Variants in SUGCT observed in about 807,000 individuals in gnomAD.
SUGCT encodes succinyl-CoA:glutarate CoA-transferase.
SUGCT carries 41 observed loss-of-function variants against 55.0 expected under a neutral mutation model. The observed-to-expected ratio is 0.74, with a 90% CI of 0.58 to 0.97. The LOEUF (loss-of-function observed/expected upper bound fraction) is 0.97, where lower values mean the gene tolerates loss of function less well. Among genes scored for constraint, SUGCT ranks in the 50% least tolerant of loss-of-function variants. SUGCT has a pLI of 0.00. For synonymous variants in SUGCT, 187 were observed against 200.4 expected (o/e 0.93, Z 0.56); for missense variants, 568 against 547.8 (o/e 1.04, Z -0.37).
the SUGCT span, among the ~76,000 whole-genome samples, chr7:40,930,831 T>C: frequency 3.3e-5 from 5 of 152,320 alleles, no homozygotes; most frequent in South Asian, 8.3e-4. Context: ...GCTGAGATGA[T>C]GGAGTTTTCT....
At chr7:40,923,061 G>A in the SUGCT span, among the ~76,000 whole-genome samples, 7,030 of 152,248 alleles carry the variant, frequency 0.046, 177 homozygotes, top group South Asian at 0.078. Flanking sequence ...CAAGGCCAGC[G>A]CTTTCAAGAT....
At chr7:40,712,893 C>G (rs1442502006) in intron 12 of SUGCT, among the ~76,000 whole-genome samples, 1 of 152,240 alleles carries the variant, frequency 6.6e-6, no homozygotes, top group Non-Finnish European at 1.5e-5. Flanking sequence ...AGAACTTTTT[C>G]AGTGACTTGA....
At chr7:40,558,098 CA>C (rs371945593) in intron 12 of SUGCT, among the ~76,000 whole-genome samples, 21,870 of 121,508 alleles carry the variant, frequency 0.18, 2,129 homozygotes, top group African/African-American at 0.33. Flanking sequence ...CTATTCCATA[CA>C]AAAAAAAAAA....
chr7:40,376,378 TAA>T (rs1784544355), intron 9 of SUGCT, among the ~76,000 whole-genome samples: 1 of 152,094 alleles, frequency 6.6e-6, no homozygotes, highest in Non-Finnish European at 1.5e-5. Flanking sequence ...AATTTTTATC[TAA>T]TGTATCTTTT....
At chr7:40,511,350 A>G (rs921277208) in intron 12 of SUGCT, among the ~76,000 whole-genome samples, 1 of 152,154 alleles carries the variant, frequency 6.6e-6, no homozygotes, top group East Asian at 1.9e-4. Flanking sequence ...CATCAAGGTT[A>G]TGGAAGACAA....
intron 13 of SUGCT, among the ~76,000 whole-genome samples, chr7:40,814,599 A>G (rs925431180): frequency 6.6e-5 from 10 of 150,432 alleles, no homozygotes; most frequent in Non-Finnish European, 8.9e-5. Flanking sequence ...CATTTCCTTG[A>G]TTGCTTTAGA....
At chr7:40,817,683 C>CAT (rs1184168302) in intron 13 of SUGCT, among the ~76,000 whole-genome samples, 3 of 152,026 alleles carry the variant, frequency 2.0e-5, no homozygotes, top group Admixed American at 6.6e-5. Context: ...GAGCCATGAA[C>CAT]ATATATATAG....
chr7:40,655,368 G>T (rs1800968541), intron 12 of SUGCT, among the ~76,000 whole-genome samples: 1 of 152,136 alleles, frequency 6.6e-6, no homozygotes, highest in Non-Finnish European at 1.5e-5. Context: ...ATTCACTAGT[G>T]TTAATGTGCT....
At chr7:40,279,168 T>A (rs1388275017) in intron 8 of SUGCT, among the ~76,000 whole-genome samples, 1 of 152,052 alleles carries the variant, frequency 6.6e-6, no homozygotes, top group African/African-American at 2.4e-5. Flanking sequence ...TCTTATACCG[T>A]ATTATTCCAA....
intron 13 of SUGCT, among the ~76,000 whole-genome samples, chr7:40,756,000 A>G (rs911413672): frequency 5.9e-5 from 9 of 152,336 alleles, no homozygotes; most frequent in African/African-American, 2.2e-4. Context: ...AGTCACCACC[A>G]TGCATTAGTG....
intron 13 of SUGCT, among the ~76,000 whole-genome samples, chr7:40,766,839 T>G (rs1036899637): frequency 3.9e-5 from 6 of 152,208 alleles, no homozygotes; most frequent in African/African-American, 7.2e-5. Context: ...CTTTAAGTGT[T>G]ATACAAATGT....
At chr7:40,781,425 G>A (rs1789742579) in intron 13 of SUGCT, among the ~76,000 whole-genome samples, 1 of 152,120 alleles carries the variant, frequency 6.6e-6, no homozygotes, top group Admixed American at 6.5e-5. Flanking sequence ...GAATGCGGCT[G>A]GCCTGAGAGC....
chr7:40,312,149 C>T (rs1360061336), intron 8 of SUGCT, among the ~76,000 whole-genome samples: 9 of 151,648 alleles, frequency 5.9e-5, no homozygotes, highest in Admixed American at 6.6e-5. Context: ...AAGCGATTCT[C>T]GTGCCTCAGC....
intron 13 of SUGCT, among the ~76,000 whole-genome samples, chr7:40,828,032 T>C (rs1411417583): frequency 6.6e-6 from 1 of 152,224 alleles, no homozygotes; most frequent in African/African-American, 2.4e-5. Flanking sequence ...TTATGTGGAA[T>C]GTGCCCTCTG....
rs779414695 is a variant in SUGCT, at chr7:40,798,467, A to G, written c.1153+48970A>G. On this transcript the variant is annotated intron_variant, in intron 13 of 13. Coordinates refer to ENST00000335693, the MANE Select transcript of SUGCT (RefSeq NM_001193313.2). ...GCTGAGGTAGAACATCAATATATTG[A>G]GAAATTTTTATAAGAATTTTTTTGT... Among the ~76,000 whole-genome samples, 23 of 152,338 alleles carry G rather than the reference A, an allele frequency of 1.5e-4. 2 individuals are homozygous for G. In the South Asian group the frequency reaches 3.1e-3, roughly 21 times the overall value.
Position 40,614,014 on chromosome 7 carries a change from C to T in SUGCT, c.1089+117628C>T, listed in dbSNP as rs184135076. On this transcript the variant is annotated intron_variant, in intron 12 of 13. Transcript: ENST00000335693. ...TTCGAATGTCATATCTGTGCTAATT[C>T]GTATGTCTATGGTTTTTAGTCTCCA... Among the ~76,000 whole-genome samples the T allele has an allele frequency of 1.6e-3, 249 of 152,134 alleles. 1 individual carries two copies. The highest frequency in any genetic ancestry group is 2.6e-3 in the Non-Finnish European group (176 of 67,998).
intron 9 of SUGCT, among the ~76,000 whole-genome samples, chr7:40,395,832 A>T (rs899455038): frequency 2.6e-5 from 4 of 152,142 alleles, no homozygotes; most frequent in Non-Finnish European, 5.9e-5. Context: ...GGAAGTTATC[A>T]TTCTCCTAAA....
chr7:40,778,341 C>G (rs1450232724), intron 13 of SUGCT, among the ~76,000 whole-genome samples: 1 of 152,212 alleles, frequency 6.6e-6, no homozygotes, highest in Admixed American at 6.5e-5. Flanking sequence ...AATATCATAA[C>G]AGTGCGGTAG....
chr7:40,437,064 C>T (rs934129236), intron 9 of SUGCT, among the ~76,000 whole-genome samples: 1 of 152,162 alleles, frequency 6.6e-6, no homozygotes, highest in Admixed American at 6.6e-5. Flanking sequence ...GTCATTTTAC[C>T]TTGTGCCCAA....
Sources: allele counts gnomAD v4.1 joint callset (sites outside exome capture counted in the v4.1 genomes callset), GRCh38; gene constraint gnomAD v4.1.1; transcripts MANE v1.5; gene names NCBI Gene and HGNC (gene_info 2026-07-23, HGNC 2026-07-21).